SIL1: variants seen among roughly 807,000 people sequenced by gnomAD.
SIL1 encodes the protein SIL1 nucleotide exchange factor.
SIL1 carries 40 observed loss-of-function variants against 49.1 expected under a neutral mutation model. That is an observed-to-expected ratio of 0.81 (90% CI 0.63 to 1.06). The LOEUF is 1.06. Among genes scored for constraint, SIL1 ranks in the 50% least tolerant of loss-of-function variants. The probability of loss-of-function intolerance (pLI) is 0.00; values close to 1 mark genes in which losing one functional copy is unlikely to be tolerated. For synonymous variants in SIL1, 253 were observed against 250.8 expected, an observed-to-expected ratio of 1.01 and a Z score of -0.08; for missense variants, 500 against 572.6, an observed-to-expected ratio of 0.87 and a Z score of 1.29.
intron 7 of SIL1, chr5:138,953,382 A>C (rs1020699749): frequency 6.6e-6 from 1 of 152,322 alleles, no homozygotes; most frequent in African/African-American, 2.4e-5. Flanking sequence ...GGCTGAATGG[A>C]ATGAAGATAG....
intron 3 of SIL1, among the ~76,000 whole-genome samples, chr5:139,103,994 A>G (rs1770648302): frequency 6.6e-6 from 1 of 151,534 alleles, no homozygotes; most frequent in Admixed American, 6.6e-5. Context: ...AAAGAGGCTC[A>G]GCTCTAGACA....
chr5:139,014,044 A>T (rs1170061535), intron 7 of SIL1: 1 of 152,234 alleles, frequency 6.6e-6, no homozygotes, highest in Non-Finnish European at 1.5e-5. Flanking sequence ...AGAAGCCTTC[A>T]ATCTTGTTGA....
intron 3 of SIL1, among the ~76,000 whole-genome samples, chr5:139,107,690 C>T (rs1157277776): frequency 6.6e-6 from 1 of 152,188 alleles, no homozygotes; most frequent in African/African-American, 2.4e-5. Context: ...TTGAAAAGTG[C>T]TGGTAGTTAT....
At chr5:139,066,977 C>T (rs771506643) in intron 3 of SIL1, among the ~76,000 whole-genome samples, 1 of 152,160 alleles carries the variant, frequency 6.6e-6, no homozygotes, top group Non-Finnish European at 1.5e-5. Context: ...ATAATACTTG[C>T]CAAGTTTTCC....
At chr5:139,118,453 G>A (rs899974265) in intron 3 of SIL1, among the ~76,000 whole-genome samples, 5 of 152,152 alleles carry the variant, frequency 3.3e-5, no homozygotes, top group Admixed American at 6.5e-5. Flanking sequence ...AACAGCCTCC[G>A]CAGCAGGCAG....
intron 3 of SIL1, 100 bp from the exon 4 acceptor site, chr5:139,051,146 C>T (rs577534867): frequency 1.4e-4 from 142 of 1,030,984 alleles, no homozygotes; most frequent in East Asian, 8.6e-4. Flanking sequence ...CATGAAGACA[C>T]GACTCAGCTG....
chr5:139,001,081 T>TG (rs149659306), intron 7 of SIL1, among the ~76,000 whole-genome samples: 4,888 of 151,414 alleles, frequency 0.032, 102 homozygotes, highest in Non-Finnish European at 0.051. Context: ...TCTGTGTGTG[T>TG]GGGGGGGGAA....
intron 7 of SIL1, chr5:139,012,328 T>G (rs187266728): frequency 6.6e-6 from 1 of 152,416 alleles, no homozygotes; most frequent in Non-Finnish European, 1.5e-5. Flanking sequence ...GTGCTTTGAT[T>G]ATCTATGACC....
At chr5:138,988,981 T>A (rs893912455) in intron 7 of SIL1, among the ~76,000 whole-genome samples, 2 of 152,228 alleles carry the variant, frequency 1.3e-5, no homozygotes, top group Non-Finnish European at 2.9e-5. Flanking sequence ...TGGAAATATT[T>A]ACTTTAACAT....
At chr5:138,960,413 CTTTTTT>C (rs150578906) in intron 7 of SIL1, among the ~76,000 whole-genome samples, 1 of 124,272 alleles carries the variant, frequency 8.0e-6, no homozygotes, top group African/African-American at 3.2e-5. Context: ...AAATCTACGT[CTTTTTT>C]TTTTTTTTTT....
chr5:139,197,392 T>C (rs1752298195), intron 1 of SIL1, among the ~76,000 whole-genome samples: 1 of 151,976 alleles, frequency 6.6e-6, no homozygotes, highest in South Asian at 2.1e-4. Context: ...GCCCCATCTC[T>C]CAGATCATGT....
At chr5:139,184,766 C>T (rs1177695337) in intron 1 of SIL1, among the ~76,000 whole-genome samples, 1 of 152,172 alleles carries the variant, frequency 6.6e-6, no homozygotes, top group Non-Finnish European at 1.5e-5. Context: ...ATTGCACATA[C>T]TTTACACCTG....
At chr5:139,187,334 C>T (rs901600306) in intron 1 of SIL1, among the ~76,000 whole-genome samples, 5 of 151,972 alleles carry the variant, frequency 3.3e-5, no homozygotes, top group South Asian at 2.1e-4. Context: ...CTGGCCAACA[C>T]GGTGAAACCC....
chr5:139,040,550 G>A (rs1769024614), intron 5 of SIL1, among the ~76,000 whole-genome samples: 1 of 137,038 alleles, frequency 7.3e-6, no homozygotes, highest in Non-Finnish European at 1.5e-5. Context: ...CCAGGCTGGA[G>A]TGCAATGGTG....
chr5:139,155,121 A>G (rs73790617), intron 1 of SIL1, among the ~76,000 whole-genome samples: 62 of 152,308 alleles, frequency 4.1e-4, no homozygotes, highest in African/African-American at 1.5e-3. Flanking sequence ...TTCATTATGG[A>G]GTTATAGTTA....
chr5:139,100,731 GAGAA>G (rs1770568855), intron 3 of SIL1, among the ~76,000 whole-genome samples: 1 of 152,138 alleles, frequency 6.6e-6, no homozygotes, highest in African/African-American at 2.4e-5. Flanking sequence ...TGGGGTCTTA[GAGAA>G]AGAAAGGGGT....
At chr5:139,037,263 G>T (rs1768938536) in intron 5 of SIL1, among the ~76,000 whole-genome samples, 2 of 151,944 alleles carry the variant, frequency 1.3e-5, no homozygotes, top group African/African-American at 4.8e-5. Flanking sequence ...AGATTTTTCT[G>T]TCTTTAGTTT....
chr5:139,025,929 A>G (rs1360472079), intron 6 of SIL1, among the ~76,000 whole-genome samples: 2 of 152,342 alleles, frequency 1.3e-5, no homozygotes, highest in South Asian at 2.1e-4. Context: ...CTGTGCCCCA[A>G]TAAAATTTTA....
chr5:139,077,110 G>C (rs1257422247), intron 3 of SIL1, among the ~76,000 whole-genome samples: 1 of 152,110 alleles, frequency 6.6e-6, no homozygotes, highest in African/African-American at 2.4e-5. Flanking sequence ...CTCCAACCTT[G>C]GCGACACAGT....
Sources: allele counts gnomAD v4.1 joint callset (sites outside exome capture counted in the v4.1 genomes callset), GRCh38; gene constraint gnomAD v4.1.1; transcripts MANE v1.5; gene names NCBI Gene and HGNC (gene_info 2026-07-23, HGNC 2026-07-21).